Variants in TRERF1 observed in about 807,000 individuals in gnomAD.
TRERF1 encodes the protein transcriptional-regulating factor 1.
In TRERF1, 27 loss-of-function variants were observed where a neutral mutation model predicts 122.9. That is an observed-to-expected ratio of 0.22 (90% CI 0.16 to 0.30). The LOEUF (loss-of-function observed/expected upper bound fraction) is 0.30. Among genes scored for constraint, TRERF1 ranks in the 10% least tolerant of loss-of-function variants. The probability of loss-of-function intolerance (pLI) is 1.00; values close to 1 mark genes in which losing one functional copy is unlikely to be tolerated. For synonymous variants in TRERF1, 636 were observed against 641.7 expected (o/e 0.99, Z 0.13); for missense variants, 1,248 against 1,560.3 (o/e 0.80, Z 3.37).
At chr6:42,441,901 C>T (rs1786590011) in intron 2 of TRERF1, among the ~76,000 whole-genome samples, 1 of 152,088 alleles carries the variant, frequency 6.6e-6, no homozygotes, top group Non-Finnish European at 1.5e-5. Flanking sequence ...TTCCAGCCCA[C>T]CCACTGCCCT....
chr6:42,309,686 T>C (rs1787897108), intron 3 of TRERF1, among the ~76,000 whole-genome samples: 1 of 152,238 alleles, frequency 6.6e-6, no homozygotes, highest in Non-Finnish European at 1.5e-5. Context: ...CTGGCCTTTG[T>C]AGAGCTGTGC....
chr6:42,363,829 A>T (rs964364092), intron 2 of TRERF1, among the ~76,000 whole-genome samples: 20 of 152,156 alleles, frequency 1.3e-4, no homozygotes, highest in African/African-American at 4.3e-4. Flanking sequence ...CCTTCCCTGG[A>T]GTCTCCAGAG....
intron 3 of TRERF1, among the ~76,000 whole-genome samples, chr6:42,360,529 A>C (rs1395190576): frequency 6.6e-6 from 1 of 152,172 alleles, no homozygotes; most frequent in African/African-American, 2.4e-5. Context: ...GTTAAGGTTG[A>C]GTGTCCTCTC....
At chr6:42,309,058 G>C (rs1392967074) in intron 3 of TRERF1, among the ~76,000 whole-genome samples, 1 of 152,016 alleles carries the variant, frequency 6.6e-6, no homozygotes, top group African/African-American at 2.4e-5. Context: ...CCTACCATTA[G>C]AGACTTTAAC....
intron 3 of TRERF1, among the ~76,000 whole-genome samples, chr6:42,338,619 G>A (rs1174381543): frequency 1.3e-5 from 2 of 152,168 alleles, no homozygotes; most frequent in Non-Finnish European, 1.5e-5. Flanking sequence ...GTAGACTCAC[G>A]TGGTGCTCCC....
intron 9 of TRERF1, among the ~76,000 whole-genome samples, 199 bp from the exon 10 acceptor site, chr6:42,258,400 G>A (rs1219488979): frequency 6.6e-6 from 1 of 152,178 alleles, no homozygotes; most frequent in Admixed American, 6.5e-5. Flanking sequence ...TCTCACACAG[G>A]GTGAGGAGAA....
At chr6:42,248,785 G>C (rs79240729) in intron 13 of TRERF1, among the ~76,000 whole-genome samples, 62 of 152,280 alleles carry the variant, frequency 4.1e-4, no homozygotes, top group African/African-American at 1.3e-3. Flanking sequence ...GGAGCCTCAG[G>C]GGGGCTGGGG....
intron 2 of TRERF1, among the ~76,000 whole-genome samples, chr6:42,410,601 C>T (rs1474143607): frequency 6.6e-6 from 1 of 152,122 alleles, no homozygotes; most frequent in Non-Finnish European, 1.5e-5. Context: ...TTTACCCTCG[C>T]CTTTCTGAAG....
At chr6:42,272,485 T>C (rs892239691) in intron 4 of TRERF1, among the ~76,000 whole-genome samples, 1 of 152,158 alleles carries the variant, frequency 6.6e-6, no homozygotes, top group African/African-American at 2.4e-5. Flanking sequence ...CCCTGGGAGC[T>C]GGTTAGAAAT....
intron 3 of TRERF1, among the ~76,000 whole-genome samples, chr6:42,317,862 A>G (rs1421454738): frequency 1.3e-5 from 2 of 152,114 alleles, no homozygotes; most frequent in Non-Finnish European, 2.9e-5. Flanking sequence ...TCATGTTGTT[A>G]AAAGTTCTAG....
At chr6:42,376,734 G>C (rs912576390) in intron 2 of TRERF1, among the ~76,000 whole-genome samples, 1 of 151,102 alleles carries the variant, frequency 6.6e-6, no homozygotes, top group African/African-American at 2.4e-5. Context: ...GTAGAGACGG[G>C]GTTTCACCAT....
intron 3 of TRERF1, among the ~76,000 whole-genome samples, chr6:42,354,071 G>GT (rs1770037842): frequency 6.6e-6 from 1 of 152,228 alleles, no homozygotes; most frequent in African/African-American, 2.4e-5. Context: ...GGGTCTCAGT[G>GT]TAAGAGCTGG....
intron 2 of TRERF1, among the ~76,000 whole-genome samples, chr6:42,382,924 G>A (rs1776192223): frequency 6.6e-6 from 1 of 151,778 alleles, no homozygotes; most frequent in African/African-American, 2.4e-5. Flanking sequence ...GCCTCTTGGG[G>A]CTTGGGGGGT....
intron 2 of TRERF1, among the ~76,000 whole-genome samples, chr6:42,397,100 T>C (rs1166175023): frequency 6.6e-6 from 1 of 152,166 alleles, no homozygotes; most frequent in Admixed American, 6.5e-5. Context: ...ATTCTAAGAT[T>C]AACTGATCTG....
In TRERF1 at chr6:42,257,489, A is replaced by G. The variant is rs73733128; in HGVS notation, c.2337-387T>C. Among the ~76,000 whole-genome samples the G allele has an allele frequency of 9.3e-3, 1,415 of 152,316 alleles. 32 individuals carry two copies. Among genetic ancestry groups the G allele is most frequent in the African/African-American group, 0.031 (1,292 of 41,564 alleles). ...TCTCTTTCAGATCACTTTCACAGATATTATCCCATCCGAACCTCACAGAGA... is the reference window on the plus strand; with the variant it reads ...TCTCTTTCAGATCACTTTCACAGATGTTATCCCATCCGAACCTCACAGAGA... On this transcript the variant is annotated intron_variant, in intron 10 of 17. Transcript: ENST00000372922.
intron 4 of TRERF1, among the ~76,000 whole-genome samples, chr6:42,278,531 C>G (rs1781704495): frequency 6.6e-6 from 1 of 152,178 alleles, no homozygotes; most frequent in Non-Finnish European, 1.5e-5. Context: ...ACCTTTCAGC[C>G]TAAAGGGAAA....
At chr6:42,243,193 G>A (rs1417038431) in intron 15 of TRERF1, 55 bp downstream of exon 15, 2 of 1,463,968 alleles carry the variant, frequency 1.4e-6, no homozygotes, top group Middle Eastern at 1.7e-4. Context: ...TTACTAACCT[G>A]GGCCTGGGGT....
Position 42,259,763 on chromosome 6 carries a change from TC to T in TRERF1, c.1885-41del, listed in dbSNP as rs774600315. 1.0e-5 allele frequency: 16 copies of T among 1,598,188 alleles called. No homozygotes were observed. Among genetic ancestry groups the T allele is most frequent in the South Asian group, 8.8e-5 (8 of 90,948 alleles). ...ACGATCTGATTCGAATACTTCAGCT[TC>T]CCCCGCAGGCCATTTCCACAGGTTC... On this transcript the variant is annotated intron_variant, in intron 8 of 17. Coordinates refer to ENST00000372922, the Ensembl canonical transcript of TRERF1. This position sits in a 1 kb window ranked among gnomAD's most constrained non-coding sequence, Gnocchi z 4.9.
At position 42,290,736 on chromosome 6, in the gene TRERF1, C is replaced by CT. The variant is rs1200361646; in HGVS notation, c.-259+9901dup. Among the ~76,000 whole-genome samples the CT allele has an allele frequency of 3.9e-3, 473 of 119,988 alleles. 4 individuals are homozygous for CT. Among genetic ancestry groups the CT allele is most frequent in the South Asian group, 7.4e-3 (28 of 3,782 alleles). 78.7% of individuals were successfully genotyped at this position (119,988 alleles called of 152,430 possible). A position where few individuals can be genotyped will look rare whatever the true frequency, so the allele number is the denominator to read the frequency against. On this transcript the variant is annotated intron_variant, in intron 4 of 17. Transcript: ENST00000372922. The stretch of plus-strand genomic sequence containing the variant: ...AATTAATTTATCCTTTTTTCCATTT[C>CT]TTTCCTTTTTTTTTTTTTTTTTTTT...
Sources: allele counts gnomAD v4.1 joint callset (sites outside exome capture counted in the v4.1 genomes callset), GRCh38; gene constraint gnomAD v4.1.1; non-coding constraint Gnocchi (gnomAD v3.1); transcripts MANE v1.5; gene names NCBI Gene and HGNC (gene_info 2026-07-23, HGNC 2026-07-21).